Variants in TMEM232 observed in about 807,000 individuals in gnomAD.
TMEM232 encodes the protein transmembrane protein 232.
TMEM232 carries 80 observed loss-of-function variants against 78.8 expected under a neutral mutation model. The observed-to-expected ratio is 1.01, with a 90% CI of 0.85 to 1.22. TMEM232 has a LOEUF of 1.22. TMEM232 is among the 50% of genes most tolerant of loss of function. The pLI, the probability that TMEM232 is intolerant of heterozygous loss-of-function variation, is 0.00. For missense variants in TMEM232, 881 were observed against 742.2 expected (o/e 1.19, Z -2.17); for synonymous variants, 297 against 254.3 (o/e 1.17, Z -1.60).
intron 1 of TMEM232, among the ~76,000 whole-genome samples, chr5:110,722,366 T>C (rs1797731938): frequency 6.6e-6 from 1 of 152,280 alleles, no homozygotes; most frequent in East Asian, 1.9e-4. Flanking sequence ...TGCAGTCAAA[T>C]GGCAGCTGCA....
chr5:110,656,933 A>C (rs1402297218), intron 2 of TMEM232, among the ~76,000 whole-genome samples: 1 of 152,190 alleles, frequency 6.6e-6, no homozygotes, highest in Non-Finnish European at 1.5e-5. Flanking sequence ...ATTTATAACC[A>C]AAACATAATA....
intron 8 of TMEM232, among the ~76,000 whole-genome samples, chr5:110,609,412 T>C (rs1218158256): frequency 6.6e-6 from 1 of 152,094 alleles, no homozygotes; most frequent in Non-Finnish European, 1.5e-5. Context: ...TAATAATCTC[T>C]ACTGTTTACC....
intron 10 of TMEM232, among the ~76,000 whole-genome samples, chr5:110,589,992 T>C (rs773799744): frequency 6.6e-6 from 1 of 152,156 alleles, no homozygotes; most frequent in African/African-American, 2.4e-5. Flanking sequence ...TTGAACATAT[T>C]CAAACTTTCC....
chr5:110,580,273 T>A (rs1391715503), intron 10 of TMEM232, among the ~76,000 whole-genome samples: 1 of 151,708 alleles, frequency 6.6e-6, no homozygotes, highest in East Asian at 1.9e-4. Flanking sequence ...CTGGTGACAT[T>A]TAGCTGTTGT....
intron 12 of TMEM232, among the ~76,000 whole-genome samples, chr5:110,427,068 TAAA>T (rs139393881): frequency 1.3e-5 from 2 of 151,790 alleles, no homozygotes; most frequent in Non-Finnish European, 2.9e-5. Flanking sequence ...TGCTAGAAAA[TAAA>T]AAATTATAGA....
intron 10 of TMEM232, among the ~76,000 whole-genome samples, chr5:110,582,766 AC>A (rs1311376267): frequency 6.6e-6 from 1 of 151,918 alleles, no homozygotes; most frequent in Non-Finnish European, 1.5e-5. Context: ...AATCCTAAAG[AC>A]CCCACAAAAT....
intron 5 of TMEM232, among the ~76,000 whole-genome samples, chr5:110,633,712 G>A (rs113682390): frequency 0.013 from 2,033 of 152,184 alleles, 44 homozygotes; most frequent in African/African-American, 0.046. Context: ...TCCCAGCCAC[G>A]CAGAACTGTG....
chr5:110,441,883 A>C (rs1005758468), intron 12 of TMEM232, among the ~76,000 whole-genome samples: 3 of 152,110 alleles, frequency 2.0e-5, no homozygotes, highest in African/African-American at 7.2e-5. Context: ...TAGATATACT[A>C]TTCTAGAGTA....
intron 1 of TMEM232, among the ~76,000 whole-genome samples, chr5:110,712,027 G>A (rs1393685093): frequency 2.7e-5 from 4 of 150,158 alleles, no homozygotes; most frequent in Non-Finnish European, 3.0e-5. Context: ...GCGTGAACCC[G>A]GGAGGCAGAG....
chr5:110,679,873 G>GA (rs1474719988), intron 1 of TMEM232, among the ~76,000 whole-genome samples: 1 of 151,962 alleles, frequency 6.6e-6, no homozygotes, highest in Non-Finnish European at 1.5e-5. Flanking sequence ...ATTTTTGGCT[G>GA]TCTTTTTATT....
At chr5:110,511,939 A>T (rs1767811030) in intron 12 of TMEM232, among the ~76,000 whole-genome samples, 1 of 152,124 alleles carries the variant, frequency 6.6e-6, no homozygotes, top group Non-Finnish European at 1.5e-5. Flanking sequence ...GGTCCCTTGC[A>T]CCATAGGAAC....
chr5:110,631,219 G>C (rs1785080902), intron 5 of TMEM232, among the ~76,000 whole-genome samples: 2 of 152,152 alleles, frequency 1.3e-5, no homozygotes, highest in Non-Finnish European at 2.9e-5. Context: ...AGATGGTGCA[G>C]CGCATTAACA....
intron 12 of TMEM232, among the ~76,000 whole-genome samples, chr5:110,478,664 T>C (rs575205864): frequency 6.6e-6 from 1 of 151,950 alleles, no homozygotes; most frequent in East Asian, 1.9e-4. Flanking sequence ...TGGGCATTGA[T>C]GTTGAAATTC....
intron 8 of TMEM232, among the ~76,000 whole-genome samples, chr5:110,611,925 G>A (rs1029901745): frequency 1.3e-5 from 2 of 152,112 alleles, no homozygotes; most frequent in African/African-American, 2.4e-5. Flanking sequence ...TGAATTGGAT[G>A]GAGAAAGTGA....
intron 1 of TMEM232, among the ~76,000 whole-genome samples, chr5:110,709,113 C>T (rs766647110): frequency 6.6e-5 from 10 of 151,894 alleles, no homozygotes; most frequent in Non-Finnish European, 1.3e-4. Flanking sequence ...GAGTTCAAGA[C>T]AAAAACCATA....
intron 10 of TMEM232, among the ~76,000 whole-genome samples, chr5:110,602,745 A>G (rs941531677): frequency 6.6e-6 from 1 of 152,180 alleles, no homozygotes; most frequent in Admixed American, 6.5e-5. Context: ...AGATTCCTCA[A>G]GGATCTAGAA....
downstream of TMEM232, among the ~76,000 whole-genome samples, chr5:110,415,162 G>A (rs928756986): frequency 6.7e-6 from 1 of 149,724 alleles, no homozygotes; most frequent in Non-Finnish European, 1.5e-5. Flanking sequence ...AGGACATCAA[G>A]CACCCTTAAA....
intron 12 of TMEM232, among the ~76,000 whole-genome samples, chr5:110,468,354 C>T (rs563230311): frequency 5.3e-4 from 81 of 151,836 alleles, no homozygotes; most frequent in Admixed American, 1.4e-3. Context: ...CTTGATTAAA[C>T]GCTTAAAAAC....
At chr5:110,463,292 T>C (rs991746790) in intron 12 of TMEM232, among the ~76,000 whole-genome samples, 1 of 152,222 alleles carries the variant, frequency 6.6e-6, no homozygotes, top group African/African-American at 2.4e-5. Flanking sequence ...AGATGATTGT[T>C]AGCATTTTTT....
Sources: gnomAD v4.1 joint callset for allele counts (sites outside exome capture counted in the v4.1 genomes callset) on GRCh38, gnomAD v4.1.1 for gene constraint, MANE v1.5 for transcripts, NCBI Gene and HGNC (gene_info 2026-07-23, HGNC 2026-07-21) for gene names.